The following KANK1 variants were observed in gnomAD, a reference collection of about 807,000 sequenced individuals.
KANK1 encodes KN motif and ankyrin repeat domain-containing protein 1.
Under a neutral mutation model 106.2 loss-of-function variants are expected in KANK1, and 109 were observed. The observed-to-expected ratio is 1.03, with a 90% CI of 0.88 to 1.20. The LOEUF (loss-of-function observed/expected upper bound fraction) is 1.20, where lower values mean the gene tolerates loss of function less well. Ranked by LOEUF, KANK1 falls within the 50% of genes most tolerant of loss-of-function variation. The pLI is 0.00. For synonymous variants in KANK1, 873 were observed against 652.2 expected (o/e 1.34, Z -5.16); for missense variants, 2,399 against 1,710.7 (o/e 1.40, Z -7.10).
intron 3 of KANK1, among the ~76,000 whole-genome samples, chr9:724,764 T>C (rs1414407197): frequency 6.6e-6 from 1 of 151,854 alleles, no homozygotes; most frequent in African/African-American, 2.4e-5. Context: ...ATCGCGCCAC[T>C]GCATTCCAGG....
intron 1 of KANK1, among the ~76,000 whole-genome samples, chr9:669,255 A>G (rs75055391): frequency 0.053 from 8,115 of 152,218 alleles, 236 homozygotes; most frequent in African/African-American, 0.066. Context: ...GCACATGACA[A>G]TTAGAGTATT....
At chr9:549,531 A>G (rs969471946) in intron 1 of KANK1, 3 of 152,242 alleles carry the variant, frequency 2.0e-5, no homozygotes, top group African/African-American at 2.4e-5. Flanking sequence ...AGCAGTCCTT[A>G]GGGAGGACAG....
At chr9:600,870 TGTTCTGGGATAACTGAAAAGTTTA>T (rs1399307698) in intron 1 of KANK1, among the ~76,000 whole-genome samples, 3 of 151,882 alleles carry the variant, frequency 2.0e-5, no homozygotes, top group Non-Finnish European at 2.9e-5. Context: ...TAAAGCTTTT[TGTTCTGGGATAACTGAAAAGTTTA>T]GTTATCCAAA....
intron 3 of KANK1, among the ~76,000 whole-genome samples, chr9:726,693 C>A (rs1830745534): frequency 6.6e-6 from 1 of 152,130 alleles, no homozygotes; most frequent in African/African-American, 2.4e-5. Context: ...GGCGTGGTGG[C>A]TCATGCCTAT....
chr9:742,154 C>CACT, intron 9 of KANK1, 51 bp from the exon 10 acceptor site: 1 of 1,520,430 alleles, frequency 6.6e-7, no homozygotes, highest in Non-Finnish European at 9.1e-7. Context: ...TAGAGGCCAC[C>CACT]ACTGCCAGCT....
chr9:513,449 G>A (rs2059121876), intron 1 of KANK1, among the ~76,000 whole-genome samples: 1 of 152,144 alleles, frequency 6.6e-6, no homozygotes, highest in Non-Finnish European at 1.5e-5. Context: ...GATTCATTTA[G>A]TTAATACAAT....
chr9:514,846 G>A (rs2059208354), intron 1 of KANK1, among the ~76,000 whole-genome samples: 1 of 151,624 alleles, frequency 6.6e-6, no homozygotes, highest in Non-Finnish European at 1.5e-5. Context: ...AACTGGAGTA[G>A]GTACCGTCAG....
rs375020155 is a variant in KANK1, at chr9:713,235, G to A, written c.2469G>A (p.Leu823=). Residue 823 remains leucine, a synonymous_variant, in exon 3 of 12, where the codon CTG becomes CTA. Transcript: ENST00000382297. The part of the protein sequence containing the change: ...PQAPLGMMTG[L]DHYIERIQKL... ...CTCCACTTGGAATGATGACTGGCCT[G>A]GATCACTACATTGAGCGTATCCAGA... The A allele has an allele frequency of 6.2e-7, 1 of 1,604,944 alleles. No homozygotes were observed. The highest frequency in any genetic ancestry group is 1.3e-5 in the African/African-American group (1 of 74,776).
chr9:667,276 A>G (rs1207146988), intron 1 of KANK1, among the ~76,000 whole-genome samples: 1 of 150,788 alleles, frequency 6.6e-6, no homozygotes, highest in Non-Finnish European at 1.5e-5. Flanking sequence ...GTTGTTTTGT[A>G]TCTTTTTTGT....
intron 1 of KANK1, among the ~76,000 whole-genome samples, chr9:576,501 G>C (rs1284260725): frequency 3.3e-5 from 5 of 152,198 alleles, no homozygotes; most frequent in Admixed American, 6.5e-5. Context: ...GCTTGTCATA[G>C]TGTGCTCCTT....
At chr9:706,316 T>G (rs1388332807) in intron 2 of KANK1, among the ~76,000 whole-genome samples, 1 of 152,228 alleles carries the variant, frequency 6.6e-6, no homozygotes, top group Non-Finnish European at 1.5e-5. Flanking sequence ...ACGTGATACA[T>G]GCTTTTTGTG....
chr9:566,449 G>A (rs1304214882), intron 1 of KANK1, among the ~76,000 whole-genome samples: 5 of 152,190 alleles, frequency 3.3e-5, no homozygotes, highest in Non-Finnish European at 2.9e-5. Context: ...CTTCCACAGT[G>A]GTTGAACTAA....
chr9:580,801 T>C (rs1274870650), intron 1 of KANK1, among the ~76,000 whole-genome samples: 1 of 152,144 alleles, frequency 6.6e-6, no homozygotes, highest in East Asian at 1.9e-4. Context: ...GTCAATGGGA[T>C]TGGGCGCCGC....
intron 1 of KANK1, among the ~76,000 whole-genome samples, chr9:561,072 T>C (rs1176677618): frequency 1.3e-5 from 2 of 152,204 alleles, no homozygotes; most frequent in African/African-American, 2.4e-5. Context: ...AAACAAGTTC[T>C]ACATTTTAAG....
At chr9:710,145 CTCA>C (rs1333895160) in intron 2 of KANK1, among the ~76,000 whole-genome samples, 2 of 152,102 alleles carry the variant, frequency 1.3e-5, no homozygotes, top group Non-Finnish European at 2.9e-5. Flanking sequence ...AAGCTCAAAG[CTCA>C]TCATTACACA....
chr9:667,478 A>C (rs966722776), intron 1 of KANK1, among the ~76,000 whole-genome samples: 1 of 151,524 alleles, frequency 6.6e-6, no homozygotes, highest in Non-Finnish European at 1.5e-5. Context: ...TTGCTTTTCT[A>C]GTTCCTTGAG....
At chr9:734,635 C>G (rs529042704) in intron 6 of KANK1, 113 bp from the exon 7 acceptor site, 2 of 683,490 alleles carry the variant, frequency 2.9e-6, no homozygotes, top group Non-Finnish European at 5.1e-6. Flanking sequence ...CACTGCACTC[C>G]AGCCTGGGCG....
chr9:509,222 C>T (rs1157859916), intron 1 of KANK1, among the ~76,000 whole-genome samples: 3 of 152,116 alleles, frequency 2.0e-5, no homozygotes, highest in South Asian at 2.1e-4. Flanking sequence ...CTCAGCCTCC[C>T]GATTAGCTGG....
At chr9:651,294 C>A (rs1480415894) in intron 1 of KANK1, among the ~76,000 whole-genome samples, 1 of 152,094 alleles carries the variant, frequency 6.6e-6, no homozygotes, top group East Asian at 1.9e-4. Context: ...TTGTTCTCTT[C>A]CTTTTAAGAA....
Sources: allele counts gnomAD v4.1 joint callset (sites outside exome capture counted in the v4.1 genomes callset), GRCh38; gene constraint gnomAD v4.1.1; transcripts MANE v1.5; gene names NCBI Gene and HGNC (gene_info 2026-07-23, HGNC 2026-07-21).